Variants in COG3 observed in about 807,000 individuals in gnomAD.
The protein encoded by COG3 is conserved oligomeric Golgi complex subunit 3.
A neutral mutation model predicts 114.1 loss-of-function variants in COG3; 32 were observed. That is an observed-to-expected ratio of 0.28 (90% CI 0.21 to 0.38). The LOEUF (loss-of-function observed/expected upper bound fraction) is 0.38, where lower values mean the gene tolerates loss of function less well. Among genes scored for constraint, COG3 ranks in the 10% least tolerant of loss-of-function variants. COG3 has a pLI of 1.00. For synonymous variants in COG3, 352 were observed against 365.7 expected (o/e 0.96, Z 0.43); for missense variants, 813 against 973.2 (o/e 0.84, Z 2.19).
intron 21 of COG3, 31 bp downstream of exon 21, chr13:45,529,949 G>T (rs754492592): frequency 3.8e-6 from 6 of 1,585,780 alleles, no homozygotes; most frequent in South Asian, 1.2e-5. Context: ...TTGAATGTTG[G>T]CGGGTGACTT....
chr13:45,534,636 C>T, intron 22 of COG3, 66 bp from the exon 23 acceptor site: 1 of 1,266,978 alleles, frequency 7.9e-7, no homozygotes, highest in Non-Finnish European at 1.1e-6. Flanking sequence ...TCCCCTCCCT[C>T]CTTGACTTTT....
At chr13:45,512,648 G>A (rs567452286) in intron 16 of COG3, among the ~76,000 whole-genome samples, 15 of 149,796 alleles carry the variant, frequency 1.0e-4, no homozygotes, top group Admixed American at 3.3e-4. Flanking sequence ...TTTTTTCTGA[G>A]AGAGGGTCTT....
At position 45,496,161 on chromosome 13, in the gene COG3, TG is replaced by T; in HGVS notation, c.1342del (p.Ala448HisfsTer10). On this transcript the variant is annotated frameshift_variant, in exon 13 of 23. Coordinates refer to ENST00000349995, the MANE Select transcript of COG3 (RefSeq NM_031431.4). LOFTEE classifies it high-confidence loss of function. ...TGCACTTTTTTATCAGCTGAGCAAC[TG>T]GGGGCATTTGCAGCTGGAGTCAAGC... is the stretch of plus-strand genomic sequence containing the variant. ...EDHVQNNAEQ[L>X]GAFAAGVKQM... The T allele has an allele frequency of 6.2e-7, 1 of 1,607,516 alleles. No individual in the cohort carries two copies. Among genetic ancestry groups the T allele is most frequent in the Non-Finnish European group, 8.5e-7 (1 of 1,176,130 alleles).
intron 4 of COG3, 88 bp from the exon 5 acceptor site, chr13:45,481,142 T>C (rs1886223886): frequency 2.7e-6 from 2 of 736,474 alleles, no homozygotes; most frequent in African/African-American, 1.8e-5. Flanking sequence ...CTGTGTCTAA[T>C]GTAAATCTGT....
rs1190883520 is a variant in COG3, at chr13:45,518,832, G to C, written c.2001G>C (p.Leu667Phe). Residue 667 changes from leucine (L) to phenylalanine (F), a missense_variant, in exon 18 of 23, where the codon TTG becomes TTC. Leu to Phe is a conservative substitution (Grantham distance 22). Around this residue, in one of 2 missense-constraint regions of COG3, gnomAD observed 389 missense variants for 542.6 expected, o/e 0.72. Transcript: ENST00000349995. Reference sequence around the variant, plus strand: ...TTAGGCTGAATAGCAACAATGCCTTGATAGAGTTCTTGTTGGAGGTGAGAA... The same window carrying C: ...TTAGGCTGAATAGCAACAATGCCTTCATAGAGTTCTTGTTGGAGGTGAGAA... ...RFFRLNSNNA[L>F]IEFLLEGTPE... The C allele has an allele frequency of 6.2e-7, 1 of 1,613,790 alleles. No homozygotes were observed. Among genetic ancestry groups the C allele is most frequent in the Non-Finnish European group, 8.5e-7 (1 of 1,179,690 alleles).
chr13:45,504,367 G>A (rs997005992), intron 14 of COG3, among the ~76,000 whole-genome samples: 2 of 152,192 alleles, frequency 1.3e-5, no homozygotes, highest in African/African-American at 4.8e-5. Flanking sequence ...CCCATACCAT[G>A]TCCTAGTATA....
chr13:45,499,222 C>CCCTG (rs1284841906), intron 13 of COG3, among the ~76,000 whole-genome samples: 1 of 152,056 alleles, frequency 6.6e-6, no homozygotes, highest in African/African-American at 2.4e-5. Flanking sequence ...ACAGAAGAAA[C>CCCTG]CCTGGCTCCT....
At chr13:45,476,447 T>C in intron 2 of COG3, 100 bp downstream of exon 2, 2 of 1,173,916 alleles carry the variant, frequency 1.7e-6, no homozygotes, top group Non-Finnish European at 1.2e-6. Context: ...TTTGTCACCA[T>C]AATTAACATT....
chr13:45,483,205 G>A (rs1886360777), intron 6 of COG3, 25 bp from the exon 7 acceptor site: 1 of 1,557,678 alleles, frequency 6.4e-7, no homozygotes, highest in African/African-American at 1.4e-5. Flanking sequence ...TTTCCACTTT[G>A]TAAATCTTTC....
At position 45,535,990 on chromosome 13, in the gene COG3, C is replaced by T. The variant is rs533346092; in HGVS notation, c.*1259C>T. ...CAGTGGGTGCCTGTAACTCATTAGA[C>T]GTACTGAGGCAGCACTTCTGCAGGG... is the stretch of plus-strand genomic sequence containing the variant. On this transcript the variant is annotated 3_prime_UTR_variant, in exon 23 of 23. Transcript: ENST00000349995. 20 of 404,684 alleles carry T rather than the reference C, an allele frequency of 4.9e-5. No individual in the cohort carries two copies. The South Asian group carries it at 1.6e-3, about 33-fold the overall frequency. 25.1% of individuals were successfully genotyped at this position (404,684 alleles called of 1,614,324 possible).
At chr13:45,529,746 CTTTTCT>C in intron 20 of COG3, 39 bp from the exon 21 acceptor site, 1 of 1,481,330 alleles carries the variant, frequency 6.8e-7, no homozygotes, top group South Asian at 1.3e-5. Flanking sequence ...GGAAATATTT[CTTTTCT>C]TTTTCTTTAT....
intron 13 of COG3, among the ~76,000 whole-genome samples, chr13:45,501,468 C>T (rs1869524599): frequency 6.6e-6 from 1 of 152,186 alleles, no homozygotes; most frequent in South Asian, 2.1e-4. Flanking sequence ...GGAGCTCTTT[C>T]AGTTGGCTCC....
Position 45,536,222 on chromosome 13 carries a change from A to G in COG3, c.*1491A>G, listed in dbSNP as rs1873539256. On this transcript the variant is annotated 3_prime_UTR_variant, in exon 23 of 23. Transcript: ENST00000349995. Reference sequence around the variant, plus strand: ...GTTTTTTAAATACATGTTTAATGAAATAAACTGTAAAATATCCAGTTTTGT... The same window carrying G: ...GTTTTTTAAATACATGTTTAATGAAGTAAACTGTAAAATATCCAGTTTTGT... 1 of 152,264 alleles carries G rather than the reference A, an allele frequency of 6.6e-6. No homozygotes were observed. Among genetic ancestry groups the G allele is most frequent in the Non-Finnish European group, 1.5e-5 (1 of 68,052 alleles). The allele number at this position is 152,264 out of a possible 1,614,324, so 9.4% of individuals were successfully genotyped here.
rs1360165896 is a variant in COG3 at position 45,496,141 on chromosome 13, T to A, written c.1328-11T>A. 6.9e-6 allele frequency: 11 copies of A among 1,602,638 alleles called. No individual in the cohort carries two copies. The highest frequency in any genetic ancestry group is 8.5e-6 in the Non-Finnish European group (10 of 1,173,770). On this transcript the variant is annotated splice_polypyrimidine_tract_variant and intron_variant, in intron 12 of 22. Coordinates refer to ENST00000349995, the MANE Select transcript of COG3 (RefSeq NM_031431.4). The stretch of plus-strand genomic sequence containing the variant: ...AATCTAAAAGAATGGATGATTGCAC[T>A]TTTTTATCAGCTGAGCAACTGGGGG...
intron 20 of COG3, among the ~76,000 whole-genome samples, chr13:45,528,372 T>C (rs1464194719): frequency 6.6e-6 from 1 of 152,194 alleles, no homozygotes; most frequent in Non-Finnish European, 1.5e-5. Flanking sequence ...CTGTATTCTT[T>C]CTTGGATGAG....
At chr13:45,479,990 TAATC>T (rs1886147713) in intron 3 of COG3, 131 bp from the exon 4 acceptor site, 1 of 624,946 alleles carries the variant, frequency 1.6e-6, no homozygotes, top group Non-Finnish European at 2.8e-6. Context: ...TTTCTTAACA[TAATC>T]AACTTATGTG....
At chr13:45,512,582 C>G (rs1194088353) in intron 16 of COG3, among the ~76,000 whole-genome samples, 1 of 151,790 alleles carries the variant, frequency 6.6e-6, no homozygotes, top group Non-Finnish European at 1.5e-5. Flanking sequence ...ATTTGCCCAC[C>G]TTGGCCTCCC....
chr13:45,501,603 C>T (rs2057613), intron 13 of COG3, among the ~76,000 whole-genome samples: 54,951 of 152,056 alleles, frequency 0.36, 10,841 homozygotes, highest in Middle Eastern at 0.55. Flanking sequence ...TCGACCATTT[C>T]TTCAAGGAGT....
At chr13:45,471,891 C>T (rs1885518222) in intron 1 of COG3, among the ~76,000 whole-genome samples, 1 of 152,114 alleles carries the variant, frequency 6.6e-6, no homozygotes, top group African/African-American at 2.4e-5. Flanking sequence ...CGCCACTACG[C>T]CTGGCTAATT....
Sources: gnomAD v4.1 joint callset for allele counts (sites outside exome capture counted in the v4.1 genomes callset) on GRCh38, gnomAD v4.1.1 for gene constraint, gnomAD v4.1.1 regional missense constraint, MANE v1.5 for transcripts, NCBI Gene and HGNC (gene_info 2026-07-23, HGNC 2026-07-21) for gene names.